The following DSC3 variants were observed in gnomAD, a reference collection of about 807,000 sequenced individuals.
The protein encoded by DSC3 is desmocollin-3.
Under a neutral mutation model 89.5 loss-of-function variants are expected in DSC3, and 97 were observed. The ratio of observed to expected loss-of-function variants is 1.08; its 90% CI spans 0.92 to 1.28. DSC3 has a LOEUF of 1.28. DSC3 is among the 50% of genes most tolerant of loss of function. The pLI is 0.00. For synonymous variants in DSC3, 436 were observed against 384.1 expected (o/e 1.14, Z -1.58); for missense variants, 1,199 against 1,085.3 (o/e 1.10, Z -1.47).
chr18:30,996,933 C>T lies in DSC3; in HGVS notation c.2351G>A (p.Gly784Glu). ...GCAGGATTCCAAGGTCTGGTTTCCT[C>T]CTTTCATCATTTCAATGGTTTCCTG... ...GGQETIEMMK[G>E]GNQTLESCRG... The change falls in exon 15 of 16, where the codon GGA becomes GAA. Residue 784 changes from glycine to glutamate, a missense_variant. Coordinates refer to ENST00000360428, the MANE Select transcript of DSC3 (RefSeq NM_001941.5). The T allele has an allele frequency of 6.2e-7, 1 of 1,614,116 alleles. No individual in the cohort carries two copies.
At chr18:31,026,028 G>A in intron 4 of DSC3, 113 bp from the exon 5 acceptor site, 2 of 1,089,658 alleles carry the variant, frequency 1.8e-6, no homozygotes, top group Non-Finnish European at 2.6e-6. Flanking sequence ...AAAAGAAAAG[G>A]TAGAAAAGAA....
chr18:31,029,350 A>G, intron 4 of DSC3, among the ~76,000 whole-genome samples, 159 bp downstream of exon 4: 1 of 152,234 alleles, frequency 6.6e-6, no homozygotes, highest in East Asian at 1.9e-4. Flanking sequence ...TCATATTATT[A>G]GGTTTTTAGT....
intron 1 of DSC3, among the ~76,000 whole-genome samples, chr18:31,041,849 A>AT (rs1039414108): frequency 6.6e-6 from 1 of 151,460 alleles, no homozygotes; most frequent in African/African-American, 2.4e-5. Flanking sequence ...GTACGACGCA[A>AT]CCCCACCGCA....
At chr18:31,023,201 C>T (rs1440729252) in intron 6 of DSC3, among the ~76,000 whole-genome samples, 1 of 151,946 alleles carries the variant, frequency 6.6e-6, no homozygotes, top group Non-Finnish European at 1.5e-5. Flanking sequence ...TACCCCATTG[C>T]TAATTAATTA....
chr18:31,007,154 T>C, intron 11 of DSC3, 23 bp from the exon 12 acceptor site: 3 of 1,557,684 alleles, frequency 1.9e-6, no homozygotes, highest in South Asian at 1.1e-5. Context: ...GAATAAGGTT[T>C]AGTGTTATTT....
chr18:31,032,100 G>C, intron 2 of DSC3, 92 bp downstream of exon 2: 1 of 866,680 alleles, frequency 1.2e-6, no homozygotes, highest in East Asian at 2.5e-5. Flanking sequence ...GTAGATTCAG[G>C]CTAACTCCAA....
At chr18:31,027,792 G>A (rs910549093) in intron 4 of DSC3, among the ~76,000 whole-genome samples, 2 of 152,024 alleles carry the variant, frequency 1.3e-5, no homozygotes, top group African/African-American at 2.4e-5. Flanking sequence ...CCTAAAATTT[G>A]TTTCTTCAGC....
chr18:31,018,515 T>C (rs1985309603), intron 8 of DSC3, 151 bp downstream of exon 8: 2 of 919,478 alleles, frequency 2.2e-6, no homozygotes, highest in Admixed American at 2.4e-5. Context: ...TAAAATAAAT[T>C]TACATATCAC....
Position 31,031,050 on chromosome 18 carries a change from A to G in DSC3, c.277T>C (p.Ser93Pro). ...RAVALSDKKR[S>P]FTIWLSDKRK... is the part of the protein sequence containing the mutation. ...TTGTCAGAAAGCCATATGGTAAATG[A>G]TCTTTTCTTATCAGACAGCGCAACA... Residue 93 changes from serine (S) to proline (P), a missense_variant, in exon 3 of 16, where the codon TCA becomes CCA. Coordinates refer to ENST00000360428, the MANE Select transcript of DSC3 (RefSeq NM_001941.5). 2 of 1,614,054 alleles carry G rather than the reference A, an allele frequency of 1.2e-6. No homozygotes were observed. The highest frequency in any genetic ancestry group is 2.7e-5 in the African/African-American group (2 of 75,016).
At chr18:31,009,338 C>A (rs764696272) in intron 9 of DSC3, among the ~76,000 whole-genome samples, 1 of 152,144 alleles carries the variant, frequency 6.6e-6, no homozygotes. Context: ...CAGGCGTGAA[C>A]CACCATGCCC....
chr18:31,029,695 T>C (rs1036363855), intron 3 of DSC3, 67 bp from the exon 4 acceptor site: 3 of 1,594,986 alleles, frequency 1.9e-6, no homozygotes, highest in African/African-American at 1.3e-5. Flanking sequence ...TGTAAAATAG[T>C]GGACAGCTCA....
chr18:31,001,095 A>G (rs963872697), intron 14 of DSC3, among the ~76,000 whole-genome samples: 31 of 146,454 alleles, frequency 2.1e-4, no homozygotes, highest in East Asian at 8.3e-4. Context: ...GTGTGTATAT[A>G]TATATATATA....
chr18:31,007,290 T>A (rs1040917201), intron 11 of DSC3, among the ~76,000 whole-genome samples, 159 bp from the exon 12 acceptor site: 1 of 152,180 alleles, frequency 6.6e-6, no homozygotes, highest in Non-Finnish European at 1.5e-5. Context: ...ATAAATAGAA[T>A]CTGCAGCTAA....
At chr18:31,041,679 C>A (rs1166530894) in intron 1 of DSC3, among the ~76,000 whole-genome samples, 1 of 152,226 alleles carries the variant, frequency 6.6e-6, no homozygotes. Flanking sequence ...TCGCGTGTAA[C>A]CGCGCCGCCA....
rs1279126527 is a variant in DSC3, at chr18:30,996,975, C to T, written c.2309G>A (p.Gly770Glu). Residue 770 changes from glycine (G) to glutamate (E), a missense_variant, in exon 15 of 16, where the codon GGA becomes GAA. Transcript: ENST00000360428. The stretch of plus-strand genomic sequence containing the variant: ...GGTTTCCTGCCCTCCATTTTTCATT[C>T]CTGATCCCATAGTACCACAAAAACC... ...SQGFCGTMGS[G>E]MKNGGQETIE... 6.2e-7 allele frequency: 1 copy of T among 1,614,104 alleles called. No individual in the cohort carries two copies. The highest frequency in any genetic ancestry group is 8.5e-7 in the Non-Finnish European group (1 of 1,180,014).
chr18:31,011,663 G>C (rs1399366292), intron 9 of DSC3, among the ~76,000 whole-genome samples: 5 of 152,158 alleles, frequency 3.3e-5, no homozygotes, highest in African/African-American at 1.2e-4. Flanking sequence ...TACAGTGTTT[G>C]ATTTTCAAAT....
intron 9 of DSC3, among the ~76,000 whole-genome samples, chr18:31,011,910 G>A (rs1436316337): frequency 1.3e-4 from 14 of 109,818 alleles, no homozygotes; most frequent in Non-Finnish European, 2.2e-4. Flanking sequence ...GGAGAATTGC[G>A]ACAGCAAATT....
chr18:31,023,143 C>T (rs1985481371), intron 6 of DSC3, among the ~76,000 whole-genome samples: 1 of 152,010 alleles, frequency 6.6e-6, no homozygotes, highest in African/African-American at 2.4e-5. Flanking sequence ...GAACAGACTC[C>T]TCAAGAAAGC....
chr18:31,031,180 T>C lies in DSC3; in HGVS notation c.155-8A>G, dbSNP rs922897887. On this transcript the variant is annotated splice_polypyrimidine_tract_variant and splice_region_variant and intron_variant, in intron 2 of 15. Coordinates refer to ENST00000360428, the MANE Select transcript of DSC3 (RefSeq NM_001941.5). ...AGCACTCTTCCAAATTAACTGCAAG[T>C]AAAAATTTCCAAGTTGTAAGGTAAA... 9 of 1,601,080 alleles carry C rather than the reference T, an allele frequency of 5.6e-6. No homozygotes were observed. Among genetic ancestry groups the C allele is most frequent in the Non-Finnish European group, 6.8e-6 (8 of 1,172,978 alleles).
Sources: gnomAD v4.1 joint callset for allele counts (sites outside exome capture counted in the v4.1 genomes callset) on GRCh38, gnomAD v4.1.1 for gene constraint, MANE v1.5 for transcripts, NCBI Gene and HGNC (gene_info 2026-07-23, HGNC 2026-07-21) for gene names.